Variants in RNF213 observed in about 807,000 individuals in gnomAD.
RNF213 encodes ring finger protein 213.
A neutral mutation model predicts 514.4 loss-of-function variants in RNF213; 341 were observed. The observed-to-expected ratio is 0.66, with a 90% CI of 0.61 to 0.73. The LOEUF (loss-of-function observed/expected upper bound fraction) is 0.73. RNF213 is among the 30% of genes least tolerant of loss of function. RNF213 has a pLI of 0.00. For synonymous variants in RNF213, 2,655 were observed against 2,658.2 expected (o/e 1.00, Z 0.04); for missense variants, 5,767 against 6,615.6 (o/e 0.87, Z 4.45).
At position 80,395,369 on chromosome 17, in the gene RNF213, T is replaced by C. The variant is rs1458015113; in HGVS notation, c.*1871T>C. ...TGGCACATAGACATCAGCTAGGCTT[T>C]TGGGAATCGTTTGTGTTCTTTGTGG... is the stretch of plus-strand genomic sequence containing the variant. On this transcript the variant is annotated 3_prime_UTR_variant, in exon 68 of 68. Transcript: ENST00000582970. 1 of 152,206 alleles carries C rather than the reference T, an allele frequency of 6.6e-6. No individual in the cohort carries two copies. Among genetic ancestry groups the C allele is most frequent in the East Asian group, 1.9e-4 (1 of 5,196 alleles). The allele number at this position is 152,206 out of a possible 1,614,324, so 9.4% of individuals were successfully genotyped here.
At chr17:80,307,407 A>G (rs1052302967) in intron 13 of RNF213, among the ~76,000 whole-genome samples, 2 of 128,026 alleles carry the variant, frequency 1.6e-5, no homozygotes, top group African/African-American at 6.2e-5. Flanking sequence ...TCTGTTGCCC[A>G]GGCTGGAGTG....
rs1013198895 is a variant in RNF213, at chr17:80,386,189, G to A, written c.14540-61G>A. On this transcript the variant is annotated intron_variant, in intron 61 of 67. Transcript: ENST00000582970. ...TGGCTTCTGCATCCCTCCTCCCCACGCCTAGATTCTGTGAGGAGTTGGAAC... is the reference window on the plus strand; with the variant it reads ...TGGCTTCTGCATCCCTCCTCCCCACACCTAGATTCTGTGAGGAGTTGGAAC... 38 of 1,530,286 alleles carry A rather than the reference G, an allele frequency of 2.5e-5. No homozygotes were observed. In the East Asian group the frequency reaches 5.4e-4, roughly 22 times the overall value. The allele number at this position is 1,530,286 out of a possible 1,614,324, so 94.8% of individuals were successfully genotyped here.
At chr17:80,292,147 C>T (rs1471858076) in intron 8 of RNF213, 6 of 403,004 alleles carry the variant, frequency 1.5e-5, no homozygotes, top group African/African-American at 4.1e-5. Flanking sequence ...TACAGTGGTG[C>T]GATCTCGGCT....
At position 80,343,853 on chromosome 17, in the gene RNF213, T is replaced by C; in HGVS notation, c.6184-4T>C. ...GTTTACACCTCGTGCGATTCTGTTC[T>C]TAGGTGCAGACTGGAATTTGGGTGT... On this transcript the variant is annotated splice_polypyrimidine_tract_variant and splice_region_variant and intron_variant, in intron 27 of 67. Transcript: ENST00000582970. The surrounding 1 kb of genome is among the most constrained non-coding windows in gnomAD (Gnocchi z 4.3). 6.2e-7 allele frequency: 1 copy of C among 1,614,192 alleles called. No homozygotes were observed.
Position 80,337,854 on chromosome 17 carries a change from C to T in RNF213, c.4690C>T (p.His1564Tyr), listed in dbSNP as rs1184290948. The T allele has an allele frequency of 5.9e-6, 9 of 1,537,162 alleles. No homozygotes were observed. In the African/African-American group the frequency reaches 1.1e-4, roughly 19 times the overall value. The part of the protein sequence containing the change: ...GQKISPDTVL[H>Y]LILPESPGSH... ...ACAGATTTCCCCAGACACGGTTCTG[C>T]ACTTGATCCTTCCTGAGAGCCCTGG... Residue 1564 changes from histidine (H) to tyrosine (Y), a missense_variant, in exon 25 of 68, where the codon CAC becomes TAC. Physicochemically the swap from His to Tyr is moderately conservative, Grantham distance 83. Coordinates refer to ENST00000582970, the MANE Select transcript of RNF213 (RefSeq NM_001256071.3).
In RNF213 at chr17:80,291,813, T is replaced by A; in HGVS notation, c.1457T>A (p.Leu486His). The A allele has an allele frequency of 6.2e-7, 1 of 1,614,216 alleles. No homozygotes were observed. Among genetic ancestry groups the A allele is most frequent in the Non-Finnish European group, 8.5e-7 (1 of 1,180,046 alleles). The change falls in exon 8 of 68, where the codon CTT becomes CAT. Residue 486 changes from leucine to histidine, a missense_variant. Leu to His is a moderately conservative substitution (Grantham distance 99). This residue lies in a region of RNF213 where 592 missense variants were observed against 673.9 expected (regional missense o/e 0.88). Coordinates refer to ENST00000582970, the MANE Select transcript of RNF213 (RefSeq NM_001256071.3). ...VNRCLFIKSS[L>H]LGSGDWHQYY... The stretch of plus-strand genomic sequence containing the variant: ...CGCTGTCTGTTCATAAAATCTTCAC[T>A]TCTGGGCTCAGGAGGTAAGTCGTGG...
chr17:80,265,357 A>G (rs1367089576), intron 2 of RNF213, among the ~76,000 whole-genome samples: 3 of 152,160 alleles, frequency 2.0e-5, no homozygotes, highest in African/African-American at 7.2e-5. Flanking sequence ...TAAGGGCTCC[A>G]CTTCTATTAA....
Position 80,336,221 on chromosome 17 carries a change from T to C in RNF213, c.4370T>C (p.Ile1457Thr). ...TCCATCTCAGCGGGGGAGAATGACA[T>C]TGATGTGGACCGGGTGGCCTGCTTC... ...LASISAGEND[I>T]DVDRVACFHD... Residue 1457 changes from isoleucine (I) to threonine (T), a missense_variant, in exon 23 of 68, where the codon ATT (isoleucine) becomes ACT (threonine). Transcript: ENST00000582970. The C allele has an allele frequency of 1.3e-6, 2 of 1,537,180 alleles. No homozygotes were observed. Among genetic ancestry groups the C allele is most frequent in the South Asian group, 2.4e-5 (2 of 84,062 alleles).
chr17:80,368,987 T>C (rs1007876702), intron 44 of RNF213, among the ~76,000 whole-genome samples: 4 of 152,184 alleles, frequency 2.6e-5, no homozygotes, highest in Non-Finnish European at 2.9e-5. Flanking sequence ...AAGGGTATTG[T>C]TGCCGGGTCC....
chr17:80,262,429 G>A (rs2043456015), intron 1 of RNF213, among the ~76,000 whole-genome samples: 1 of 152,030 alleles, frequency 6.6e-6, no homozygotes. Flanking sequence ...GAGGGGAGGT[G>A]TGCAGGGTTG....
chr17:80,293,235 A>T (rs1239072827), intron 8 of RNF213, among the ~76,000 whole-genome samples: 1 of 150,654 alleles, frequency 6.6e-6, no homozygotes, highest in Non-Finnish European at 1.5e-5. Flanking sequence ...TTTTTCATAT[A>T]TTTTTTTTGG....
In RNF213 at chr17:80,373,298, C is replaced by T. The variant is rs1599167339; in HGVS notation, c.12942+133C>T. 6.4e-5 allele frequency: 43 copies of T among 666,734 alleles called. 1 individual carries two copies. In the South Asian group the frequency reaches 7.4e-4, roughly 11 times the overall value. The allele number at this position is 666,734 out of a possible 1,614,324, so 41.3% of individuals were successfully genotyped here. On this transcript the variant is annotated intron_variant, in intron 49 of 67. Coordinates refer to ENST00000582970, the MANE Select transcript of RNF213 (RefSeq NM_001256071.3). ...CCCTCACACCTTCCCCACCACATAC[C>T]CTCATACCCCCACACCTCACCCTCA...
rs1340718108 is a variant in RNF213 at position 80,288,969 on chromosome 17, AC to A, written c.933+217del. On this transcript the variant is annotated intron_variant, in intron 5 of 67. Transcript: ENST00000582970. The surrounding 1 kb of genome is among the most constrained non-coding windows in gnomAD (Gnocchi z 4.9). Reference sequence around the variant, plus strand: ...GAGCGTGGAGGGAGGGAGAGAGGGCACCCAGGTGGGCCCCGAGGTACCATGG... The same window carrying A: ...GAGCGTGGAGGGAGGGAGAGAGGGCACCAGGTGGGCCCCGAGGTACCATGG... 7.2e-5 allele frequency among the ~76,000 whole-genome samples: 11 copies of A among 152,110 alleles called. No homozygotes were observed. The highest frequency in any genetic ancestry group is 7.2e-4 in the Admixed American group (11 of 15,276).
intron 21 of RNF213, chr17:80,333,877 GA>G (rs1197861103): frequency 1.3e-5 from 7 of 556,538 alleles, no homozygotes; most frequent in African/African-American, 1.1e-4. Flanking sequence ...ATGCTTAGCA[GA>G]ATATCAGGTT....
At chr17:80,267,200 A>G (rs2043635941) in intron 2 of RNF213, among the ~76,000 whole-genome samples, 1 of 151,240 alleles carries the variant, frequency 6.6e-6, no homozygotes, top group Admixed American at 6.6e-5. Flanking sequence ...CTGGGTGACA[A>G]CAGCGAGACT....
intron 3 of RNF213, chr17:80,278,886 C>T (rs936472789): frequency 1.4e-5 from 21 of 1,537,062 alleles, no homozygotes; most frequent in Admixed American, 9.8e-5. Flanking sequence ...AGGCCGCCAG[C>T]GTGCCTTCTG....
chr17:80,320,773 A>G (rs1414244590), intron 17 of RNF213: 1 of 152,140 alleles, frequency 6.6e-6, no homozygotes, highest in African/African-American at 2.4e-5. Flanking sequence ...CCAGGAGTTC[A>G]AGACAAGCCT....
intron 32 of RNF213, 109 bp from the exon 33 acceptor site, chr17:80,352,831 A>AT (rs1266781130): frequency 2.6e-6 from 4 of 1,544,756 alleles, no homozygotes; most frequent in Non-Finnish European, 3.6e-6. Context: ...CCAGTCATTC[A>AT]TTGCGCAGCA....
Position 80,379,638 on chromosome 17 carries a change from C to A in RNF213, c.13564C>A (p.Gln4522Lys). The change falls in exon 55 of 68, where the codon CAG (glutamine) becomes AAG (lysine). Residue 4522 changes from glutamine to lysine, a missense_variant. By Grantham distance (53) the Gln-to-Lys change is moderately conservative. Around this residue, in one of 13 missense-constraint regions of RNF213, gnomAD observed 1,245 missense variants for 1,339.0 expected, o/e 0.93. Transcript: ENST00000582970. ...ACCCTAGTGTGGCAGGCCGATGGAA[C>A]AGAGCATCTGCATTGACTGCCATGC... is the stretch of plus-strand genomic sequence containing the variant. ...SVGECGRPMEQSICIDCHAPI... is the reference protein window; with the variant it reads ...SVGECGRPMEKSICIDCHAPI... 26 of 1,614,210 alleles carry A rather than the reference C, an allele frequency of 1.6e-5. No individual in the cohort carries two copies. Among genetic ancestry groups the A allele is most frequent in the Non-Finnish European group, 2.1e-5 (25 of 1,180,026 alleles).
Sources: allele counts gnomAD v4.1 joint callset (sites outside exome capture counted in the v4.1 genomes callset), GRCh38; gene constraint gnomAD v4.1.1; regional missense constraint gnomAD v4.1.1; non-coding constraint Gnocchi (gnomAD v3.1); transcripts MANE v1.5; gene names NCBI Gene and HGNC (gene_info 2026-07-23, HGNC 2026-07-21).